The following NR5A2 variants were observed in gnomAD, a reference collection of about 807,000 sequenced individuals.
NR5A2 encodes the protein CYP7A promoter-binding factor.
A neutral mutation model predicts 62.7 loss-of-function variants in NR5A2; 26 were observed. The ratio of observed to expected loss-of-function variants is 0.41; its 90% CI spans 0.30 to 0.58. The LOEUF (loss-of-function observed/expected upper bound fraction) is 0.58, where lower values mean the gene tolerates loss of function less well. Among genes scored for constraint, NR5A2 ranks in the 20% least tolerant of loss-of-function variants. The pLI, the probability that NR5A2 is intolerant of heterozygous loss-of-function variation, is 0.22. For missense variants in NR5A2, 541 were observed against 669.1 expected (o/e 0.81, Z 2.11); for synonymous variants, 246 against 241.7 (o/e 1.02, Z -0.16).
At chr1:200,167,898 C>T (rs1653981613) in intron 7 of NR5A2, among the ~76,000 whole-genome samples, 1 of 152,176 alleles carries the variant, frequency 6.6e-6, no homozygotes, top group Non-Finnish European at 1.5e-5. Flanking sequence ...CCAGGGACCC[C>T]TCTTTTCTCT....
At chr1:200,134,712 G>A (rs1471952262) in intron 7 of NR5A2, among the ~76,000 whole-genome samples, 5 of 152,278 alleles carry the variant, frequency 3.3e-5, no homozygotes, top group South Asian at 4.1e-4. Flanking sequence ...AATTATTATA[G>A]TAGTGTTAAT....
chr1:200,098,882 T>C (rs1432399633), intron 5 of NR5A2, among the ~76,000 whole-genome samples: 1 of 152,206 alleles, frequency 6.6e-6, no homozygotes, highest in African/African-American at 2.4e-5. Context: ...TATTTCCCAC[T>C]AAATATTCTA....
chr1:200,059,364 A>C (rs892586469), intron 5 of NR5A2, among the ~76,000 whole-genome samples: 1 of 152,194 alleles, frequency 6.6e-6, no homozygotes, highest in East Asian at 1.9e-4. Context: ...AGTGCTCGGC[A>C]CTGGTTCCTA....
intron 5 of NR5A2, among the ~76,000 whole-genome samples, chr1:200,075,337 A>C (rs1663976418): frequency 6.6e-6 from 1 of 152,236 alleles, no homozygotes; most frequent in Non-Finnish European, 1.5e-5. Flanking sequence ...TGCTTCAGCA[A>C]TATGCAAATT....
At chr1:200,050,642 G>A (rs1662587492) in intron 5 of NR5A2, among the ~76,000 whole-genome samples, 1 of 152,234 alleles carries the variant, frequency 6.6e-6, no homozygotes, top group African/African-American at 2.4e-5. Flanking sequence ...TGTAATCCCA[G>A]CACTTTGGGA....
chr1:200,123,985 G>A (rs922118207), intron 7 of NR5A2, among the ~76,000 whole-genome samples: 12 of 151,764 alleles, frequency 7.9e-5, no homozygotes, highest in African/African-American at 2.9e-4. Flanking sequence ...TGTATTTTTA[G>A]TAGAGACGGG....
At chr1:200,032,340 A>C (rs1053308122) in intron 1 of NR5A2, among the ~76,000 whole-genome samples, 3 of 152,234 alleles carry the variant, frequency 2.0e-5, no homozygotes, top group African/African-American at 7.2e-5. Context: ...CTGACCAGGC[A>C]AGCTGATAAA....
intron 6 of NR5A2, among the ~76,000 whole-genome samples, chr1:200,115,610 C>CT (rs1666178804): frequency 6.6e-6 from 1 of 152,136 alleles, no homozygotes; most frequent in Non-Finnish European, 1.5e-5. Flanking sequence ...AAACATTAGA[C>CT]ACAGCTCTGC....
intron 5 of NR5A2, among the ~76,000 whole-genome samples, chr1:200,066,133 G>A (rs1663455739): frequency 6.6e-6 from 1 of 152,282 alleles, no homozygotes; most frequent in South Asian, 2.1e-4. Flanking sequence ...AAGCAAGAGA[G>A]TATACAGGAG....
intron 5 of NR5A2, among the ~76,000 whole-genome samples, chr1:200,091,711 C>A (rs1048069145): frequency 1.3e-5 from 2 of 152,070 alleles, no homozygotes; most frequent in African/African-American, 2.4e-5. Flanking sequence ...TCTTGATCTC[C>A]TGACCTCGTG....
intron 7 of NR5A2, among the ~76,000 whole-genome samples, chr1:200,141,589 A>T (rs1038775020): frequency 2.6e-5 from 4 of 152,198 alleles, no homozygotes; most frequent in African/African-American, 9.7e-5. Context: ...ATGGGTTTTT[A>T]TGTAAATATA....
rs114817475 is a variant in NR5A2 at position 200,160,622 on chromosome 1, A to G, written c.1379-13341A>G. Among the ~76,000 whole-genome samples the G allele has an allele frequency of 3.9e-3, 593 of 152,258 alleles. 5 individuals carry two copies. Among genetic ancestry groups the G allele is most frequent in the African/African-American group, 0.013 (557 of 41,532 alleles). ...AAGACGATAAGAATGCCTTTAAGCTAATATTTTTAACAAGAACTGTTCCAC... is the reference window on the plus strand; with the variant it reads ...AAGACGATAAGAATGCCTTTAAGCTGATATTTTTAACAAGAACTGTTCCAC... On this transcript the variant is annotated intron_variant, in intron 7 of 7. Transcript: ENST00000367362.
At chr1:200,058,135 A>C (rs1202783562) in intron 5 of NR5A2, 2 of 152,214 alleles carry the variant, frequency 1.3e-5, no homozygotes, top group African/African-American at 4.8e-5. Flanking sequence ...CTGTTTACAA[A>C]GAACTTCCAT....
chr1:200,132,265 C>T (rs1021287812), intron 7 of NR5A2, among the ~76,000 whole-genome samples: 2 of 152,142 alleles, frequency 1.3e-5, no homozygotes, highest in Admixed American at 6.5e-5. Flanking sequence ...CCACCTTGGC[C>T]TCCCAAAGTG....
At chr1:200,114,334 A>G (rs1482563582) in intron 6 of NR5A2, among the ~76,000 whole-genome samples, 1 of 144,890 alleles carries the variant, frequency 6.9e-6, no homozygotes, top group Non-Finnish European at 1.5e-5. Flanking sequence ...AGGAGGCAGA[A>G]AAAAAAGAAA....
At chr1:200,153,970 A>T (rs1653258983) in intron 7 of NR5A2, among the ~76,000 whole-genome samples, 1 of 152,180 alleles carries the variant, frequency 6.6e-6, no homozygotes, top group Admixed American at 6.5e-5. Context: ...TGTCAAAAAG[A>T]GGATTCTAAA....
chr1:200,144,229 TCTCTCACACACACACACACACA>T (rs1177765384), intron 7 of NR5A2, among the ~76,000 whole-genome samples: 4 of 127,088 alleles, frequency 3.1e-5, no homozygotes, highest in Admixed American at 7.7e-5. Context: ...TCTCTCTCTC[TCTCTCACACACACACACACACA>T]CACACACACA....
intron 1 of NR5A2, among the ~76,000 whole-genome samples, chr1:200,031,194 G>A: frequency 6.6e-6 from 1 of 151,962 alleles, no homozygotes; most frequent in East Asian, 1.9e-4. Context: ...GGATCCACAG[G>A]TAGTGACCAG....
At chr1:200,149,758 C>G (rs1667901244) in intron 7 of NR5A2, among the ~76,000 whole-genome samples, 1 of 152,184 alleles carries the variant, frequency 6.6e-6, no homozygotes, top group Non-Finnish European at 1.5e-5. Context: ...ACTCATCCTG[C>G]ATTGCTTTTA....
Sources: gnomAD v4.1 joint callset for allele counts (sites outside exome capture counted in the v4.1 genomes callset) on GRCh38, gnomAD v4.1.1 for gene constraint, MANE v1.5 for transcripts, NCBI Gene and HGNC (gene_info 2026-07-23, HGNC 2026-07-21) for gene names.